Variants in TMEM94 observed in about 807,000 individuals in gnomAD.
The protein encoded by TMEM94 is transmembrane protein 94.
TMEM94 carries 81 observed loss-of-function variants against 158.6 expected under a neutral mutation model. The ratio of observed to expected loss-of-function variants is 0.51; its 90% confidence interval spans 0.43 to 0.61. The LOEUF (loss-of-function observed/expected upper bound fraction) is 0.61, where lower values mean the gene tolerates loss of function less well. Among genes scored for constraint, TMEM94 ranks in the 20% least tolerant of loss-of-function variants. The pLI is 0.00. For synonymous variants in TMEM94, 751 were observed against 730.7 expected (o/e 1.03, Z -0.45); for missense variants, 1,435 against 1,762.0 (o/e 0.81, Z 3.32).
chr17:75,470,113 C>CT (rs1318810920), intron 1 of TMEM94, among the ~76,000 whole-genome samples: 3 of 152,136 alleles, frequency 2.0e-5, no homozygotes, highest in Non-Finnish European at 2.9e-5. Context: ...TTCCTGCATG[C>CT]TGTAATTCAG....
chr17:75,457,920 CTGGGCATTAAAAGCGA>C (rs1203456225), intron 1 of TMEM94, among the ~76,000 whole-genome samples: 1 of 152,056 alleles, frequency 6.6e-6, no homozygotes, highest in East Asian at 1.9e-4. Flanking sequence ...CAGGGTGGCT[CTGGGCATTAAAAGCGA>C]TGGGCATTAA....
chr17:75,491,086 T>C lies in TMEM94; in HGVS notation c.1166T>C (p.Val389Ala). Residue 389 changes from valine (V) to alanine (A), a missense_variant, in exon 12 of 32, where the codon GTG becomes GCG. Val to Ala is a moderately conservative substitution (Grantham distance 64). Around this residue, in one of 3 missense-constraint regions of TMEM94, gnomAD observed 1,051 missense variants for 1,254.4 expected, o/e 0.84. Coordinates refer to ENST00000314256, the MANE Select transcript of TMEM94 (RefSeq NM_014738.6). The surrounding 1 kb of genome is among the most constrained non-coding windows in gnomAD (Gnocchi z 5.1). The stretch of plus-strand genomic sequence containing the variant: ...TGCATTTGGGGCCACTTCCTGAGGG[T>C]GCTCGGGGGGACATCGCCAACGCTG... ...LRCIWGHFLR[V>A]LGGTSPTLSH... The C allele has an allele frequency of 6.2e-7, 1 of 1,613,346 alleles. No homozygotes were observed. Among genetic ancestry groups the C allele is most frequent in the Non-Finnish European group, 8.5e-7 (1 of 1,179,712 alleles).
At position 75,492,925 on chromosome 17, in the gene TMEM94, G is replaced by A; in HGVS notation, c.1913-4G>A. On this transcript the variant is annotated splice_polypyrimidine_tract_variant and splice_region_variant and intron_variant, in intron 15 of 31. Transcript: ENST00000314256. This position sits in a 1 kb window ranked among gnomAD's most constrained non-coding sequence, Gnocchi z 4.4. ...GCCCTAAGTTCCTGTTCCCCGCCCT[G>A]CAGGCTTCACTCCTGGGGCCAAGGA... 6.2e-7 allele frequency: 1 copy of A among 1,610,614 alleles called. No homozygotes were observed. Among genetic ancestry groups the A allele is most frequent in the African/African-American group, 1.3e-5 (1 of 75,024 alleles).
At chr17:75,496,847 C>T (rs760328924) in intron 25 of TMEM94, 40 bp downstream of exon 25, 1 of 1,581,074 alleles carries the variant, frequency 6.3e-7, no homozygotes, top group Non-Finnish European at 8.7e-7. Context: ...CCGTGCCACT[C>T]ACCCCTTCAC....
Position 75,491,906 on chromosome 17 carries a change from G to A in TMEM94, c.1596+6G>A, listed in dbSNP as rs769691002. 23 of 1,605,988 alleles carry A rather than the reference G, an allele frequency of 1.4e-5. No homozygotes were observed. The highest frequency in any genetic ancestry group is 1.7e-5 in the Admixed American group (1 of 58,824). ...GTGAAGAAGAGCCCAGCAAGGTGAC[G>A]GGAGGGGGTGGCACGGGGCAGCCAC... On this transcript the variant is annotated splice_donor_region_variant and intron_variant, in intron 14 of 31. Coordinates refer to ENST00000314256, the MANE Select transcript of TMEM94 (RefSeq NM_014738.6). The surrounding 1 kb of genome is among the most constrained non-coding windows in gnomAD (Gnocchi z 5.1).
At chr17:75,496,874 A>G in intron 25 of TMEM94, 67 bp downstream of exon 25, 1 of 1,518,040 alleles carries the variant, frequency 6.6e-7, no homozygotes, top group East Asian at 2.3e-5. Flanking sequence ...GCCAGCTGAA[A>G]ATCTGAGGAA....
intron 10 of TMEM94, 100 bp downstream of exon 10, chr17:75,490,450 C>A: frequency 7.3e-7 from 1 of 1,377,240 alleles, no homozygotes; most frequent in Non-Finnish European, 9.9e-7. Context: ...ACCTTGGGCT[C>A]GGCATGTTGG....
At chr17:75,465,655 T>TTA (rs1555621311) in intron 1 of TMEM94, among the ~76,000 whole-genome samples, 24 of 98,854 alleles carry the variant, frequency 2.4e-4, no homozygotes, top group East Asian at 2.3e-3. Flanking sequence ...ATAAGAATTT[T>TTA]TATATATATA....
rs1386419555 is a variant in TMEM94, at chr17:75,492,395, C to A, written c.1597-79C>A. ...TTTCAGGGGCAGGAGCCCTCCCCAG[C>A]CTTGGGAGGTGGGCAGAGCCAGTGC... is the stretch of plus-strand genomic sequence containing the variant. On this transcript the variant is annotated intron_variant, in intron 14 of 31. Transcript: ENST00000314256. The surrounding 1 kb of genome is among the most constrained non-coding windows in gnomAD (Gnocchi z 4.4). The A allele has an allele frequency of 4.2e-5, 63 of 1,492,390 alleles. 1 individual carries two copies. In the Middle Eastern group the frequency reaches 5.8e-4, roughly 14 times the overall value. 92.4% of individuals were successfully genotyped at this position (1,492,390 alleles called of 1,614,324 possible).
rs2051743572 is a variant in TMEM94 at position 75,487,746 on chromosome 17, GC to G, written c.410-184del. On this transcript the variant is annotated intron_variant, in intron 5 of 31. Transcript: ENST00000314256. The surrounding 1 kb of genome is among the most constrained non-coding windows in gnomAD (Gnocchi z 4.6). ...AGGTAGAGGCTCTGGGGCTGGAGTG[GC>G]CGGGTAGGGCTTTATAAGGGAGGCA... 6.6e-6 allele frequency among the ~76,000 whole-genome samples: 1 copy of G among 152,076 alleles called. No homozygotes were observed. Among genetic ancestry groups the G allele is most frequent in the Non-Finnish European group, 1.5e-5 (1 of 67,996 alleles).
At chr17:75,476,648 G>A (rs1413188037) in intron 2 of TMEM94, 1 of 1,534,540 alleles carries the variant, frequency 6.5e-7, no homozygotes. Context: ...GGAGGTGTTG[G>A]AAGTTCTTGC....
At position 75,495,512 on chromosome 17, in the gene TMEM94, C is replaced by T. The variant is rs199848312; in HGVS notation, c.2845-32C>T. On this transcript the variant is annotated intron_variant, in intron 21 of 31. Transcript: ENST00000314256. This position sits in a 1 kb window ranked among gnomAD's most constrained non-coding sequence, Gnocchi z 5.6. Reference sequence around the variant, plus strand: ...GGAGGGGAGGGATGCTGATCCCCATCCCGAAGCCGCTGGCATCTCTGCTTT... The same window carrying T: ...GGAGGGGAGGGATGCTGATCCCCATTCCGAAGCCGCTGGCATCTCTGCTTT... 19 of 1,609,766 alleles carry T rather than the reference C, an allele frequency of 1.2e-5. No individual in the cohort carries two copies. The East Asian group carries it at 2.2e-4, about 19-fold the overall frequency.
In TMEM94 at chr17:75,491,123, C is replaced by T; in HGVS notation, c.1203C>T (p.Ser401=). The T allele has an allele frequency of 6.2e-7, 1 of 1,613,424 alleles. No homozygotes were observed. Among genetic ancestry groups the T allele is most frequent in the Non-Finnish European group, 8.5e-7 (1 of 1,179,662 alleles). ...GGTSPTLSHS[S]SLLHSLGSVT... Reference sequence around the variant, plus strand: ...CATCGCCAACGCTGAGCCACAGTTCCAGCCTGCTGCACAGCCTGGGCTCTG... The same window carrying T: ...CATCGCCAACGCTGAGCCACAGTTCTAGCCTGCTGCACAGCCTGGGCTCTG... The change falls in exon 12 of 32, where the codon TCC becomes TCT. Residue 401 remains serine, a synonymous_variant. Coordinates refer to ENST00000314256, the MANE Select transcript of TMEM94 (RefSeq NM_014738.6). The surrounding 1 kb of genome is among the most constrained non-coding windows in gnomAD (Gnocchi z 5.1).
Position 75,491,306 on chromosome 17 carries a change from C to T in TMEM94, c.1237C>T (p.Leu413=). 1 of 1,614,150 alleles carries T rather than the reference C, an allele frequency of 6.2e-7. No individual in the cohort carries two copies. Among genetic ancestry groups the T allele is most frequent in the Non-Finnish European group, 8.5e-7 (1 of 1,180,004 alleles). The part of the protein sequence containing the change: ...LLHSLGSVTV[L]CCVDKQGILS... ...ATCTCAAATGCTTTCCATGCAGGTC[C>T]TGTGCTGTGTGGACAAACAGGGGAT... Residue 413 remains leucine, a synonymous_variant, in exon 13 of 32, where the codon CTG becomes TTG. Coordinates refer to ENST00000314256, the MANE Select transcript of TMEM94 (RefSeq NM_014738.6). This position sits in a 1 kb window ranked among gnomAD's most constrained non-coding sequence, Gnocchi z 5.1.
chr17:75,496,529 G>C, intron 24 of TMEM94, 58 bp downstream of exon 24: 2 of 1,570,980 alleles, frequency 1.3e-6, no homozygotes, highest in Non-Finnish European at 1.7e-6. Flanking sequence ...CCTGGGGTGG[G>C]AGTAGCAGCA....
At chr17:75,465,538 C>T (rs924582184) in intron 1 of TMEM94, among the ~76,000 whole-genome samples, 4 of 151,644 alleles carry the variant, frequency 2.6e-5, no homozygotes, top group African/African-American at 9.7e-5. Flanking sequence ...TCAAGTGATC[C>T]TCCTGCCTCA....
intron 23 of TMEM94, 76 bp downstream of exon 23, chr17:75,496,150 C>A: frequency 6.6e-7 from 1 of 1,510,318 alleles, no homozygotes; most frequent in Non-Finnish European, 9.1e-7. Flanking sequence ...CTGCGTGGGG[C>A]TGGGGGTGTG....
At chr17:75,463,762 G>A (rs931219676) in intron 1 of TMEM94, among the ~76,000 whole-genome samples, 12 of 152,132 alleles carry the variant, frequency 7.9e-5, no homozygotes, top group African/African-American at 2.9e-4. Context: ...CTTGGATTTT[G>A]ACTTTGATCT....
intron 1 of TMEM94, among the ~76,000 whole-genome samples, chr17:75,458,618 A>G (rs1264243060): frequency 6.6e-6 from 1 of 151,472 alleles, no homozygotes; most frequent in East Asian, 1.9e-4. Flanking sequence ...TTGAGCCCAG[A>G]AGGTCGACGC....
Sources: gnomAD v4.1 joint callset for allele counts (sites outside exome capture counted in the v4.1 genomes callset) on GRCh38, gnomAD v4.1.1 for gene constraint, gnomAD v4.1.1 regional missense constraint, Gnocchi (gnomAD v3.1) non-coding constraint, MANE v1.5 for transcripts, NCBI Gene and HGNC (gene_info 2026-07-23, HGNC 2026-07-21) for gene names.